The following TNC variants were observed in gnomAD, a reference collection of about 807,000 sequenced individuals.
The protein encoded by TNC is tenascin C, also known as tenascin.
TNC carries 109 observed loss-of-function variants against 202.4 expected under a neutral mutation model. The ratio of observed to expected loss-of-function variants is 0.54; its 90% CI spans 0.46 to 0.63. The LOEUF is 0.63. Among genes scored for constraint, TNC ranks in the 30% least tolerant of loss-of-function variants. The pLI is 0.00. For synonymous variants in TNC, 1,007 were observed against 1,089.7 expected (o/e 0.92, Z 1.50); for missense variants, 2,756 against 2,833.3 (o/e 0.97, Z 0.62).
chr9:115,079,240 T>TA (rs1226695308), intron 6 of TNC, among the ~76,000 whole-genome samples: 6 of 151,722 alleles, frequency 4.0e-5, no homozygotes, highest in African/African-American at 1.2e-4. Flanking sequence ...TTTTTTTTTT[T>TA]AAATGTGTTT....
chr9:115,042,256 C>T lies in TNC; in HGVS notation c.5211G>A (p.Val1737=), dbSNP rs928782959. ...TVSWRAPTAQ[V]ESFRITYVPI... Reference sequence around the variant, plus strand: ...GCACATAGGTAATCCGGAAGCTCTCCACTTGGGCTGTGGGTGCCCTCCAGC... The same window carrying T: ...GCACATAGGTAATCCGGAAGCTCTCTACTTGGGCTGTGGGTGCCCTCCAGC... The change falls in exon 18 of 28, where the codon GTG becomes GTA. Residue 1737 remains valine, a synonymous_variant. Coordinates refer to ENST00000350763, the MANE Select transcript of TNC (RefSeq NM_002160.4). 1 of 1,614,142 alleles carries T rather than the reference C, an allele frequency of 6.2e-7. No homozygotes were observed. Among genetic ancestry groups the T allele is most frequent in the South Asian group, 1.1e-5 (1 of 91,078 alleles).
chr9:115,065,754 T>C (rs1832900679), intron 10 of TNC, among the ~76,000 whole-genome samples: 3 of 151,912 alleles, frequency 2.0e-5, no homozygotes, highest in Non-Finnish European at 4.4e-5. Flanking sequence ...ATACAGAAAT[T>C]AGCTGGGTGT....
At chr9:115,075,055 G>A (rs767037984) in intron 9 of TNC, among the ~76,000 whole-genome samples, 42 of 152,190 alleles carry the variant, frequency 2.8e-4, no homozygotes, top group Non-Finnish European at 5.9e-4. Context: ...CTTGCATCCC[G>A]CATAATGTGG....
At chr9:115,095,758 A>G (rs1442904745) in intron 1 of TNC, among the ~76,000 whole-genome samples, 1 of 147,294 alleles carries the variant, frequency 6.8e-6, no homozygotes, top group Non-Finnish European at 1.5e-5. Context: ...TATTACATAT[A>G]ATATTATAAT....
At chr9:115,117,754 G>T (rs1226167256) in intron 1 of TNC, among the ~76,000 whole-genome samples, 1 of 152,116 alleles carries the variant, frequency 6.6e-6, no homozygotes. Context: ...TTTACGAAAA[G>T]TTCCTTCCAA....
chr9:115,020,960 C>A lies in TNC; in HGVS notation c.*197G>T. On this transcript the variant is annotated 3_prime_UTR_variant, in exon 28 of 28. Transcript: ENST00000350763. Reference sequence around the variant, plus strand: ...ACAGAAACATGTTGGAGACTGATGTCTTTGGTGCAAAGAAAGAAATCACAG... The same window carrying A: ...ACAGAAACATGTTGGAGACTGATGTATTTGGTGCAAAGAAAGAAATCACAG... 1 of 550,508 alleles carries A rather than the reference C, an allele frequency of 1.8e-6. No individual in the cohort carries two copies. Among genetic ancestry groups the A allele is most frequent in the East Asian group, 2.9e-5 (1 of 34,026 alleles). 34.1% of individuals were successfully genotyped at this position (550,508 alleles called of 1,614,324 possible).
At position 115,048,498 on chromosome 9, in the gene TNC, G is replaced by T; in HGVS notation, c.4614C>A (p.Ser1538=). ...CTGTGAACCCGTAGGGATTAATGTC[G>T]GAAATGGTTAGGTTTTCCAGAAGGG... is the stretch of plus-strand genomic sequence containing the variant. The part of the protein sequence containing the change: ...ALPLLENLTI[S]DINPYGFTVS... The change falls in exon 16 of 28, where the codon TCC becomes TCA. Residue 1538 remains serine (S), a synonymous_variant. Coordinates refer to ENST00000350763, the MANE Select transcript of TNC (RefSeq NM_002160.4). 6.2e-7 allele frequency: 1 copy of T among 1,613,724 alleles called. No individual in the cohort carries two copies. The highest frequency in any genetic ancestry group is 8.5e-7 in the Non-Finnish European group (1 of 1,179,904).
intron 1 of TNC, among the ~76,000 whole-genome samples, chr9:115,096,366 C>T (rs1184036514): frequency 6.6e-6 from 1 of 152,208 alleles, no homozygotes; most frequent in African/African-American, 2.4e-5. Context: ...AGTTGTATCA[C>T]TCACATTTCA....
chr9:115,100,404 C>A (rs1232661808), intron 1 of TNC, among the ~76,000 whole-genome samples: 1 of 152,172 alleles, frequency 6.6e-6, no homozygotes, highest in Non-Finnish European at 1.5e-5. Flanking sequence ...TCACTTCAGG[C>A]AGCCAATTAA....
At chr9:115,033,409 T>C (rs912140545) in intron 22 of TNC, among the ~76,000 whole-genome samples, 1 of 152,196 alleles carries the variant, frequency 6.6e-6, no homozygotes, top group Non-Finnish European at 1.5e-5. Context: ...GTCAGTTCTC[T>C]AGGCTTCTGT....
At chr9:115,076,607 A>G (rs781678339) in intron 7 of TNC, 32 bp from the exon 8 acceptor site, 2 of 1,608,918 alleles carry the variant, frequency 1.2e-6, no homozygotes, top group South Asian at 1.1e-5. Flanking sequence ...TGTATTGAAC[A>G]TATCAGTCAC....
rs758526776 is a variant in TNC, at chr9:115,063,167, G to T, written c.3783C>A (p.Asn1261Lys). Residue 1261 changes from asparagine (N) to lysine (K), a missense_variant, in exon 13 of 28, where the codon AAC becomes AAA. Physicochemically the swap from Asn to Lys is moderately conservative, Grantham distance 94. This residue lies in a region of TNC where 2,559 missense variants were observed against 2,546.0 expected (regional missense o/e 1.01). Transcript: ENST00000350763. ...CCCAGCTAACCTCGGTCACTGTGAG[G>T]TTTCCCATATCTGGAACCTCCTCTG... ...VLTEEVPDMG[N>K]LTVTEVSWDA... is the part of the protein sequence containing the mutation. 4 of 1,613,984 alleles carry T rather than the reference G, an allele frequency of 2.5e-6. No homozygotes were observed. The highest frequency in any genetic ancestry group is 3.4e-6 in the Non-Finnish European group (4 of 1,179,988).
chr9:115,063,026 C>T lies in TNC; in HGVS notation c.3924G>A (p.Leu1308=), dbSNP rs1331897874. 34 of 1,614,122 alleles carry T rather than the reference C, an allele frequency of 2.1e-5. No individual in the cohort carries two copies. The highest frequency in any genetic ancestry group is 2.9e-5 in the Non-Finnish European group (34 of 1,180,030). ...EAHNLTVPGS[L]RSMEIPGLRA... ...TGAGGCCTGGGATTTCCATGGAACG[C>T]AGGCTGCCAGGAACCGTGAGATTGT... is the stretch of plus-strand genomic sequence containing the variant. The change falls in exon 13 of 28, where the codon CTG becomes CTA. Residue 1308 remains leucine, a synonymous_variant. Transcript: ENST00000350763.
chr9:115,038,824 G>T (rs941948670), intron 19 of TNC, among the ~76,000 whole-genome samples: 1 of 150,980 alleles, frequency 6.6e-6, no homozygotes, highest in African/African-American at 2.4e-5. Flanking sequence ...TCTTTTCTTT[G>T]CTTTTTTCTT....
At chr9:115,107,887 T>A (rs1836737446) in intron 1 of TNC, among the ~76,000 whole-genome samples, 1 of 152,218 alleles carries the variant, frequency 6.6e-6, no homozygotes, top group Non-Finnish European at 1.5e-5. Flanking sequence ...ATATTTGACC[T>A]CTGTTTTTCT....
intron 15 of TNC, among the ~76,000 whole-genome samples, chr9:115,055,132 C>T (rs772700735): frequency 1.1e-4 from 16 of 151,980 alleles, no homozygotes; most frequent in African/African-American, 2.4e-4. Flanking sequence ...TTGATTAGAA[C>T]GACCACAGGC....
In TNC at chr9:115,048,531, C is replaced by T; in HGVS notation, c.4581G>A (p.Glu1527=). The change falls in exon 16 of 28, where the codon GAG becomes GAA. Residue 1527 remains glutamate (E), a splice_region_variant and synonymous_variant. Transcript: ENST00000350763. ...TTAGGTTTTCCAGAAGGGGCAGGGCCTCTGAAAGAAGGGAGGAGTGAAAAT... is the reference window on the plus strand; with the variant it reads ...TTAGGTTTTCCAGAAGGGGCAGGGCTTCTGAAAGAAGGGAGGAGTGAAAAT... ...TKTISATATT[E]ALPLLENLTI... The T allele has an allele frequency of 3.7e-6, 6 of 1,609,708 alleles. No homozygotes were observed. The highest frequency in any genetic ancestry group is 4.2e-6 in the Non-Finnish European group (5 of 1,178,336).
At chr9:115,093,409 T>C (rs762573396) in intron 1 of TNC, among the ~76,000 whole-genome samples, 3 of 152,216 alleles carry the variant, frequency 2.0e-5, no homozygotes, top group Non-Finnish European at 4.4e-5. Flanking sequence ...TAACTAACAA[T>C]GTGTGGGTCT....
chr9:115,079,513 A>G (rs764081751), intron 6 of TNC, among the ~76,000 whole-genome samples: 1 of 152,126 alleles, frequency 6.6e-6, no homozygotes, highest in African/African-American at 2.4e-5. Flanking sequence ...CTTCCTTAGT[A>G]CCCCTTGCAT....
Sources: gnomAD v4.1 joint callset for allele counts (sites outside exome capture counted in the v4.1 genomes callset) on GRCh38, gnomAD v4.1.1 for gene constraint, gnomAD v4.1.1 regional missense constraint, MANE v1.5 for transcripts, NCBI Gene and HGNC (gene_info 2026-07-23, HGNC 2026-07-21) for gene names.